Variants in ADGB observed in about 807,000 individuals in gnomAD.
The protein encoded by ADGB is androglobin.
In ADGB, 172 loss-of-function variants were observed where a neutral mutation model predicts 210.5. The observed-to-expected ratio is 0.82, with a 90% CI of 0.72 to 0.93. ADGB has a LOEUF of 0.93. ADGB is among the 40% of genes least tolerant of loss of function. The pLI is 0.00. For synonymous variants in ADGB, 658 were observed against 662.7 expected (o/e 0.99, Z 0.11); for missense variants, 2,025 against 1,964.8 (o/e 1.03, Z -0.58).
At chr6:146,761,345 A>G (rs1237577900) in intron 27 of ADGB, among the ~76,000 whole-genome samples, 1 of 152,040 alleles carries the variant, frequency 6.6e-6, no homozygotes, top group African/African-American at 2.4e-5. Context: ...TATTGGAAAG[A>G]TGATATTTTC....
intron 29 of ADGB, among the ~76,000 whole-genome samples, chr6:146,769,801 C>T (rs1476717635): frequency 5.3e-5 from 8 of 152,084 alleles, no homozygotes; most frequent in Admixed American, 3.9e-4. Flanking sequence ...CCATGCAATA[C>T]AAAAGGGTAT....
intron 16 of ADGB, among the ~76,000 whole-genome samples, chr6:146,720,540 G>C (rs1253371526): frequency 1.3e-5 from 2 of 152,260 alleles, no homozygotes; most frequent in East Asian, 3.9e-4. Flanking sequence ...TGGGTATTGA[G>C]TTAGGCCATT....
chr6:146,691,050 T>C, intron 10 of ADGB, 66 bp from the exon 11 acceptor site: 1 of 1,381,568 alleles, frequency 7.2e-7, no homozygotes, highest in Non-Finnish European at 9.5e-7. Context: ...GATAGTATTT[T>C]TACATTGGAA....
intron 33 of ADGB, among the ~76,000 whole-genome samples, chr6:146,795,526 A>G (rs1034226943): frequency 6.6e-6 from 1 of 152,218 alleles, no homozygotes; most frequent in African/African-American, 2.4e-5. Context: ...GAAGACATAC[A>G]TGCAGCCAAT....
chr6:146,736,773 G>A (rs1394904673), intron 23 of ADGB, among the ~76,000 whole-genome samples, 182 bp downstream of exon 23: 1 of 152,056 alleles, frequency 6.6e-6, no homozygotes, highest in African/African-American at 2.4e-5. Context: ...TTTTGTTTAT[G>A]TTTTAATTGC....
intron 25 of ADGB, 33 bp downstream of exon 25, chr6:146,741,304 G>A: frequency 6.5e-7 from 1 of 1,544,908 alleles, no homozygotes; most frequent in Non-Finnish European, 8.7e-7. Flanking sequence ...ACATATGATA[G>A]AATGGCAGTG....
At chr6:146,730,805 G>A (rs1005916400) in intron 20 of ADGB, among the ~76,000 whole-genome samples, 1 of 152,080 alleles carries the variant, frequency 6.6e-6, no homozygotes, top group African/African-American at 2.4e-5. Context: ...CAGGTGTGGT[G>A]GTGGGCACCT....
At chr6:146,688,223 G>A (rs779495276) in intron 10 of ADGB, among the ~76,000 whole-genome samples, 3 of 152,016 alleles carry the variant, frequency 2.0e-5, no homozygotes, top group Admixed American at 6.6e-5. Flanking sequence ...TGCCTGCCAC[G>A]TAGTAGGTGT....
chr6:146,807,685 TAG>T, intron 35 of ADGB: 1 of 943,782 alleles, frequency 1.1e-6, no homozygotes, highest in Non-Finnish European at 1.5e-6. Context: ...CAACTGAAAA[TAG>T]AAATTGTTCT....
intron 33 of ADGB, 34 bp downstream of exon 33, chr6:146,788,644 T>C (rs1189280284): frequency 6.6e-7 from 1 of 1,519,190 alleles, no homozygotes; most frequent in Non-Finnish European, 8.9e-7. Context: ...CATAAACATG[T>C]ATTTTCAAAT....
intron 26 of ADGB, among the ~76,000 whole-genome samples, chr6:146,750,855 C>T (rs1156880013): frequency 6.6e-6 from 1 of 152,124 alleles, no homozygotes; most frequent in Non-Finnish European, 1.5e-5. Context: ...ATCAGTGAAG[C>T]TCCAAAGGCT....
intron 34 of ADGB, 149 bp from the exon 35 acceptor site, chr6:146,801,679 A>G: frequency 1.6e-6 from 1 of 629,624 alleles, no homozygotes; most frequent in South Asian, 3.1e-5. Flanking sequence ...TATCTAGAAA[A>G]CAACCATTTA....
chr6:146,667,622 C>G (rs191030037), intron 7 of ADGB, among the ~76,000 whole-genome samples: 35 of 152,054 alleles, frequency 2.3e-4, no homozygotes, highest in Admixed American at 7.2e-4. Flanking sequence ...ATCCGATGTA[C>G]AAATATTTAA....
chr6:146,696,325 C>T (rs1483705763), intron 12 of ADGB, among the ~76,000 whole-genome samples: 1 of 149,360 alleles, frequency 6.7e-6, no homozygotes, highest in Non-Finnish European at 1.5e-5. Context: ...ATCCACCCAC[C>T]TTGGCCTCCC....
At chr6:146,628,406 C>A (rs1478331000) in intron 1 of ADGB, among the ~76,000 whole-genome samples, 1 of 151,882 alleles carries the variant, frequency 6.6e-6, no homozygotes, top group African/African-American at 2.4e-5. Flanking sequence ...CATTTGGAAA[C>A]ACCAGTAAAT....
chr6:146,633,135 C>A (rs773693446), intron 1 of ADGB, among the ~76,000 whole-genome samples: 8 of 151,952 alleles, frequency 5.3e-5, no homozygotes, highest in Non-Finnish European at 1.2e-4. Context: ...TGCTTTATGC[C>A]CCCTGCCTCA....
At chr6:146,746,160 T>G in intron 26 of ADGB, 51 bp downstream of exon 26, 1 of 1,283,144 alleles carries the variant, frequency 7.8e-7, no homozygotes. Flanking sequence ...AATATTAATA[T>G]TTTAGGATAA....
At chr6:146,648,964 AACCC>A (rs1187582144) in intron 3 of ADGB, among the ~76,000 whole-genome samples, 3 of 151,874 alleles carry the variant, frequency 2.0e-5, no homozygotes, top group African/African-American at 7.2e-5. Context: ...TATTATATTA[AACCC>A]ATTTTAGTTG....
rs553373223 is a variant in ADGB, at chr6:146,684,159, C to A, written c.1217-1575C>A. ...GGAACCCTCACTCTTCTTCCCTCCA[C>A]CTCTCATGCTTCATACTTTCCTAAG... On this transcript the variant is annotated intron_variant, in intron 9 of 35. Coordinates refer to ENST00000397944, the MANE Select transcript of ADGB (RefSeq NM_024694.4). Among the ~76,000 whole-genome samples, 110 of 152,192 alleles carry A rather than the reference C, an allele frequency of 7.2e-4. 3 individuals carry two copies. The South Asian group carries it at 0.023, about 31-fold the overall frequency.
Sources: allele counts gnomAD v4.1 joint callset (sites outside exome capture counted in the v4.1 genomes callset), GRCh38; gene constraint gnomAD v4.1.1; transcripts MANE v1.5; gene names NCBI Gene and HGNC (gene_info 2026-07-23, HGNC 2026-07-21).